ACTL10: variants seen among roughly 807,000 people sequenced by gnomAD.
ACTL10 encodes the protein actin like 10, also known as actin-like protein 10.
For synonymous variants in ACTL10, 180 were observed against 169.9 expected (o/e 1.06, Z -0.46); for missense variants, 413 against 359.4 (o/e 1.15, Z -1.21).
chr20:33,668,130 C>T lies in ACTL10; in HGVS notation c.633C>T (p.Thr211=), dbSNP rs756215836. ...AKHGRGMAVW[T]GGSMVASLHS... is the part of the protein sequence containing the mutation. Reference sequence around the variant, plus strand: ...ATGGGCGTGGCATGGCTGTGTGGACCGGCGGCTCCATGGTGGCCTCCCTGC... The same window carrying T: ...ATGGGCGTGGCATGGCTGTGTGGACTGGCGGCTCCATGGTGGCCTCCCTGC... Residue 211 remains threonine, a synonymous_variant, in exon 1 of 1, where the codon ACC becomes ACT. Coordinates refer to ENST00000677665, the MANE Select transcript of ACTL10 (RefSeq NM_001024675.2). 10 of 1,610,640 alleles carry T rather than the reference C, an allele frequency of 6.2e-6. No homozygotes were observed. The African/African-American group carries it at 6.7e-5, about 11-fold the overall frequency.
At position 33,667,621 on chromosome 20, in the gene ACTL10, A is replaced by C. The variant is rs1715603932; in HGVS notation, c.124A>C (p.Thr42Pro). The change falls in exon 1 of 1, where the codon ACC (threonine) becomes CCC (proline). Residue 42 changes from threonine (T) to proline (P), a missense_variant. By Grantham distance (38) the Thr-to-Pro change is conservative. Coordinates refer to ENST00000677665, the MANE Select transcript of ACTL10 (RefSeq NM_001024675.2). ...IYAGHSWHQA[T>P]FRLNVAGSTL... ...CGCGGGTCACTCGTGGCACCAGGCC[A>C]CCTTCCGACTGAACGTGGCAGGCAG... The C allele has an allele frequency of 2.5e-6, 4 of 1,596,866 alleles. No individual in the cohort carries two copies. Among genetic ancestry groups the C allele is most frequent in the Non-Finnish European group, 3.4e-6 (4 of 1,173,288 alleles).
rs553458205 is a variant in ACTL10 at position 33,668,141 on chromosome 20, T to C, written c.644T>C (p.Met215Thr). ...ATGGCTGTGTGGACCGGCGGCTCCATGGTGGCCTCCCTGCACTCCTTCCAG... is the reference window on the plus strand; with the variant it reads ...ATGGCTGTGTGGACCGGCGGCTCCACGGTGGCCTCCCTGCACTCCTTCCAG... ...RGMAVWTGGS[M>T]VASLHSFQRR... The change falls in exon 1 of 1, where the codon ATG becomes ACG. Residue 215 changes from methionine (M) to threonine (T), a missense_variant. Physicochemically the swap from Met to Thr is moderately conservative, Grantham distance 81. Transcript: ENST00000677665. The C allele has an allele frequency of 3.7e-6, 6 of 1,612,228 alleles. No individual in the cohort carries two copies. The highest frequency in any genetic ancestry group is 3.3e-5 in the South Asian group (3 of 91,020).
Position 33,667,830 on chromosome 20 carries a change from G to T in ACTL10, c.333G>T (p.Gly111=), listed in dbSNP as rs758710940. The T allele has an allele frequency of 6.2e-7, 1 of 1,611,664 alleles. No homozygotes were observed. The highest frequency in any genetic ancestry group is 1.1e-5 in the South Asian group (1 of 90,984). Residue 111 remains glycine, a synonymous_variant, in exon 1 of 1, where the codon GGG becomes GGT. Coordinates refer to ENST00000677665, the MANE Select transcript of ACTL10 (RefSeq NM_001024675.2). Reference sequence around the variant, plus strand: ...CGGCCAGTTTCAGCGTGGGTAACGGGTGCTGCGTCTGCCTCAGCAGTGAGC... The same window carrying T: ...CGGCCAGTTTCAGCGTGGGTAACGGTTGCTGCGTCTGCCTCAGCAGTGAGC... The part of the protein sequence containing the change: ...HHPASFSVGN[G]CCVCLSSERF...
At position 33,667,784 on chromosome 20, in the gene ACTL10, G is replaced by C. The variant is rs543865222; in HGVS notation, c.287G>C (p.Arg96Pro). 6.2e-7 allele frequency: 1 copy of C among 1,612,378 alleles called. No homozygotes were observed. Among genetic ancestry groups the C allele is most frequent in the Non-Finnish European group, 8.5e-7 (1 of 1,179,866 alleles). ...TCCCTGGACTTCGAGGGCGACCTCC[G>C]CGACCCCGCCCGCCACCATCCGGCC... ...YVSLDFEGDLRDPARHHPASF... is the reference protein window; with the variant it reads ...YVSLDFEGDLPDPARHHPASF... Residue 96 changes from arginine to proline, a missense_variant, in exon 1 of 1, where the codon CGC (arginine) becomes CCC (proline). Physicochemically the swap from Arg to Pro is moderately radical, Grantham distance 103. Transcript: ENST00000677665.
chr20:33,667,188 G>T lies in ACTL10; in HGVS notation c.-310G>T. 1 of 283,878 alleles carries T rather than the reference G, an allele frequency of 3.5e-6. No homozygotes were observed. Among genetic ancestry groups the T allele is most frequent in the Non-Finnish European group, 6.6e-6 (1 of 152,308 alleles). 17.6% of individuals were successfully genotyped at this position (283,878 alleles called of 1,614,324 possible). A position where few individuals can be genotyped will look rare whatever the true frequency, so the allele number is the denominator to read the frequency against. On this transcript the variant is annotated 5_prime_UTR_variant, in exon 1 of 1. Coordinates refer to ENST00000677665, the MANE Select transcript of ACTL10 (RefSeq NM_001024675.2). ...CGGGCTTCACCAAGGCGGGCTTCGC[G>T]GGCGAGAACCAGCCGCGCATAGTGC...
Position 33,667,058 on chromosome 20 carries a change from G to A in ACTL10, c.-440G>A, listed in dbSNP as rs13042844. ...GTGGCGCGGAGGAGCGGAGCCTTCA[G>A]CCCCGCGGCTGGGCCGAGCCCGAAG... On this transcript the variant is annotated 5_prime_UTR_variant, in exon 1 of 1. Transcript: ENST00000677665. 1.8e-5 allele frequency: 3 copies of A among 164,606 alleles called. No individual in the cohort carries two copies. Among genetic ancestry groups the A allele is most frequent in the Admixed American group, 6.4e-5 (1 of 15,590 alleles). The allele number at this position is 164,606 out of a possible 1,614,324, so 10.2% of individuals were successfully genotyped here.
rs988793714 is a variant in ACTL10 at position 33,667,269 on chromosome 20, G to T, written c.-229G>T. The T allele has an allele frequency of 2.0e-5, 9 of 460,074 alleles. No individual in the cohort carries two copies. Among genetic ancestry groups the T allele is most frequent in the African/African-American group, 1.2e-4 (6 of 48,642 alleles). 28.5% of individuals were successfully genotyped at this position (460,074 alleles called of 1,614,324 possible). On this transcript the variant is annotated 5_prime_UTR_variant, in exon 1 of 1. Transcript: ENST00000677665. ...ACCGGCCGGTGCTGCCCGGAGCGCC[G>T]GGCTGCGAGCTGGCGGGCGGCGTGG... is the stretch of plus-strand genomic sequence containing the variant.
Position 33,668,220 on chromosome 20 carries a change from C to G in ACTL10, c.723C>G (p.Tyr241Ter). 1.3e-6 allele frequency: 2 copies of G among 1,595,632 alleles called. No individual in the cohort carries two copies. Among genetic ancestry groups the G allele is most frequent in the Non-Finnish European group, 1.7e-6 (2 of 1,169,952 alleles). Residue 241 changes from tyrosine (Y) to a stop codon, truncating the protein, a stop_gained, in exon 1 of 1, where the codon TAC (tyrosine) becomes TAG (stop). Coordinates refer to ENST00000677665, the MANE Select transcript of ACTL10 (RefSeq NM_001024675.2). LOFTEE classifies it high-confidence loss of function. Reference sequence around the variant, plus strand: ...AGGAGTGTGGCTCCAGGCTGCTGTACGATGTGTTCAACTGAGTCAGGCTGG... The same window carrying G: ...AGGAGTGTGGCTCCAGGCTGCTGTAGGATGTGTTCAACTGAGTCAGGCTGG... ...MYQECGSRLL[Y>*]DVFN
At position 33,667,978 on chromosome 20, in the gene ACTL10, G is replaced by A. The variant is rs1274667444; in HGVS notation, c.481G>A (p.Asp161Asn). 203 of 1,549,036 alleles carry A rather than the reference G, an allele frequency of 1.3e-4. No individual in the cohort carries two copies. The highest frequency in any genetic ancestry group is 1.7e-4 in the Non-Finnish European group (198 of 1,146,584). The change falls in exon 1 of 1, where the codon GAC becomes AAC. Residue 161 changes from aspartate to asparagine, a missense_variant. Coordinates refer to ENST00000677665, the MANE Select transcript of ACTL10 (RefSeq NM_001024675.2). Reference protein sequence around the residue: ...MPKTLRTRLADTVVLAGGSTL... With the variant: ...MPKTLRTRLANTVVLAGGSTL... ...CAAAACGCTGCGGACACGCCTGGCA[G>A]ACACCGTGGTGCTAGCCGGCGGCTC...
At position 33,668,009 on chromosome 20, in the gene ACTL10, T is replaced by A. The variant is rs1386217027; in HGVS notation, c.512T>A (p.Leu171Gln). The A allele has an allele frequency of 1.9e-6, 3 of 1,542,902 alleles. No homozygotes were observed. The highest frequency in any genetic ancestry group is 1.8e-6 in the Non-Finnish European group (2 of 1,142,462). Residue 171 changes from leucine to glutamine, a missense_variant, in exon 1 of 1, where the codon CTG (leucine) becomes CAG (glutamine). Coordinates refer to ENST00000677665, the MANE Select transcript of ACTL10 (RefSeq NM_001024675.2). ...GTGGTGCTAGCCGGCGGCTCCACAC[T>A]GTTTCCTGGCTTCGCCGAGCGCCTG... Reference protein sequence around the residue: ...DTVVLAGGSTLFPGFAERLDK... With the variant: ...DTVVLAGGSTQFPGFAERLDK...
Position 33,667,278 on chromosome 20 carries a change from G to A in ACTL10, c.-220G>A. On this transcript the variant is annotated 5_prime_UTR_variant, in exon 1 of 1. Transcript: ENST00000677665. ...TGCTGCCCGGAGCGCCGGGCTGCGA[G>A]CTGGCGGGCGGCGTGGCGCGGGCGC... 2 of 494,264 alleles carry A rather than the reference G, an allele frequency of 4.0e-6. No homozygotes were observed. The highest frequency in any genetic ancestry group is 6.5e-6 in the Non-Finnish European group (2 of 308,588). The allele number at this position is 494,264 out of a possible 1,614,324, so 30.6% of individuals were successfully genotyped here.
In ACTL10 at chr20:33,668,371, CAGG is replaced by C. The variant is rs764997876; in HGVS notation, c.*139_*141del. 1.2e-4 allele frequency: 154 copies of C among 1,271,136 alleles called. 3 individuals are homozygous for C. In the South Asian group the frequency reaches 2.8e-3, roughly 23 times the overall value. The allele number at this position is 1,271,136 out of a possible 1,614,324, so 78.7% of individuals were successfully genotyped here. A position where few individuals can be genotyped will look rare whatever the true frequency, so the allele number is the denominator to read the frequency against. On this transcript the variant is annotated 3_prime_UTR_variant, in exon 1 of 1. Transcript: ENST00000677665. ...GGTCACCCCCATACCCTTTCTGGGC[CAGG>C]AGAAGGTATTTGGGACCCATGGGAC...
In ACTL10 at chr20:33,667,528, T is replaced by C. The variant is rs1464539542; in HGVS notation, c.31T>C (p.Ser11Pro). The part of the protein sequence containing the change: MASTALLALC[S>P]TGAFSGLAVE... ...TAGCACCGCGTTGCTGGCGCTCTGC[T>C]CCACCGGCGCGTTCAGCGGGCTGGC... The change falls in exon 1 of 1, where the codon TCC becomes CCC. Residue 11 changes from serine (S) to proline (P), a missense_variant. Coordinates refer to ENST00000677665, the MANE Select transcript of ACTL10 (RefSeq NM_001024675.2). 7.2e-6 allele frequency: 11 copies of C among 1,536,526 alleles called. No homozygotes were observed. In the East Asian group the frequency reaches 2.7e-4, roughly 37 times the overall value.
Position 33,667,928 on chromosome 20 carries a change from C to A in ACTL10, c.431C>A (p.Ala144Asp). The change falls in exon 1 of 1, where the codon GCC becomes GAC. Residue 144 changes from alanine to aspartate, a missense_variant. Ala to Asp is a moderately radical substitution (Grantham distance 126). Transcript: ENST00000677665. ...GCTGAGCAGGGGCTGCCCGCGCTGG[C>A]CTTCCGGGCGCTGCAGAAGATGCCC... Reference protein sequence around the residue: ...GQAEQGLPALAFRALQKMPKT... With the variant: ...GQAEQGLPALDFRALQKMPKT... 1 of 1,560,314 alleles carries A rather than the reference C, an allele frequency of 6.4e-7. No homozygotes were observed. The highest frequency in any genetic ancestry group is 1.2e-5 in the South Asian group (1 of 85,778).
chr20:33,667,762 CT>C lies in ACTL10; in HGVS notation c.266del (p.Leu89ArgfsTer77). On this transcript the variant is annotated frameshift_variant, in exon 1 of 1. Coordinates refer to ENST00000677665, the MANE Select transcript of ACTL10 (RefSeq NM_001024675.2). LOFTEE classifies it low-confidence loss of function (END_TRUNC). ...CAAGAAGCGCAGCTGCTACGTGTCCCTGGACTTCGAGGGCGACCTCCGCGAC... is the reference window on the plus strand; with the variant it reads ...CAAGAAGCGCAGCTGCTACGTGTCCCGGACTTCGAGGGCGACCTCCGCGAC... ...HLKKRSCYVS[L>X]DFEGDLRDPA... is the part of the protein sequence containing the mutation. 3 of 1,612,580 alleles carry C rather than the reference CT, an allele frequency of 1.9e-6. No homozygotes were observed. Among genetic ancestry groups the C allele is most frequent in the Non-Finnish European group, 2.5e-6 (3 of 1,179,932 alleles).
Position 33,668,253 on chromosome 20 carries a change from G to C in ACTL10, c.*18G>C, listed in dbSNP as rs776912431. The C allele has an allele frequency of 1.5e-5, 24 of 1,559,764 alleles. No homozygotes were observed. In the Admixed American group the frequency reaches 3.2e-4, roughly 21 times the overall value. On this transcript the variant is annotated 3_prime_UTR_variant, in exon 1 of 1. Coordinates refer to ENST00000677665, the MANE Select transcript of ACTL10 (RefSeq NM_001024675.2). ...TCAACTGAGTCAGGCTGGACTGGGG[G>C]GGGTGGCACTGCGTTGGGGGACAGC...
chr20:33,667,964 G>A lies in ACTL10; in HGVS notation c.467G>A (p.Arg156Gln), dbSNP rs1359680144. The A allele has an allele frequency of 6.4e-7, 1 of 1,550,592 alleles. No individual in the cohort carries two copies. The highest frequency in any genetic ancestry group is 8.7e-7 in the Non-Finnish European group (1 of 1,147,462). ...RALQKMPKTL[R>Q]TRLADTVVLA... is the part of the protein sequence containing the mutation. ...CTGCAGAAGATGCCCAAAACGCTGC[G>A]GACACGCCTGGCAGACACCGTGGTG... Residue 156 changes from arginine (R) to glutamine (Q), a missense_variant, in exon 1 of 1, where the codon CGG becomes CAG. Physicochemically the swap from Arg to Gln is conservative, Grantham distance 43. Coordinates refer to ENST00000677665, the MANE Select transcript of ACTL10 (RefSeq NM_001024675.2).
At position 33,667,819 on chromosome 20, in the gene ACTL10, G is replaced by C. The variant is rs950037404; in HGVS notation, c.322G>C (p.Val108Leu). 5.0e-6 allele frequency: 8 copies of C among 1,612,136 alleles called. No homozygotes were observed. The African/African-American group carries it at 6.7e-5, about 13-fold the overall frequency. The change falls in exon 1 of 1, where the codon GTG (valine) becomes CTG (leucine). Residue 108 changes from valine (V) to leucine (L), a missense_variant. Coordinates refer to ENST00000677665, the MANE Select transcript of ACTL10 (RefSeq NM_001024675.2). ...CCGCCACCATCCGGCCAGTTTCAGC[G>C]TGGGTAACGGGTGCTGCGTCTGCCT... ...PARHHPASFS[V>L]GNGCCVCLSS...
chr20:33,668,267 T>C lies in ACTL10; in HGVS notation c.*32T>C, dbSNP rs1215282553. Reference sequence around the variant, plus strand: ...CTGGACTGGGGGGGGTGGCACTGCGTTGGGGGACAGCTCTCTATCTAAAGA... The same window carrying C: ...CTGGACTGGGGGGGGTGGCACTGCGCTGGGGGACAGCTCTCTATCTAAAGA... On this transcript the variant is annotated 3_prime_UTR_variant, in exon 1 of 1. Transcript: ENST00000677665. 6.5e-7 allele frequency: 1 copy of C among 1,548,310 alleles called. No individual in the cohort carries two copies. Among genetic ancestry groups the C allele is most frequent in the Non-Finnish European group, 8.7e-7 (1 of 1,145,544 alleles).
Sources: allele counts gnomAD v4.1 joint callset, GRCh38; gene constraint gnomAD v4.1.1; transcripts MANE v1.5; gene names NCBI Gene and HGNC (gene_info 2026-07-23, HGNC 2026-07-21).